SPATA6: variants seen among roughly 807,000 people sequenced by gnomAD.
SPATA6 encodes spermatogenesis associated 6, also known as spermatogenesis-associated protein 6.
In SPATA6, 56 loss-of-function variants were observed where a neutral mutation model predicts 65.3. That is an observed-to-expected ratio of 0.86 (90% CI 0.69 to 1.07). The LOEUF is 1.07. Ranked by LOEUF, SPATA6 falls within the 50% of genes least tolerant of loss-of-function variation. SPATA6 has a pLI of 0.00. For missense variants in SPATA6, 590 were observed against 594.8 expected (o/e 0.99, Z 0.08); for synonymous variants, 199 against 213.2 (o/e 0.93, Z 0.58).
At chr1:48,471,815 A>G in intron 1 of SPATA6, 143 bp downstream of exon 1, 1 of 931,310 alleles carries the variant, frequency 1.1e-6, no homozygotes, top group Non-Finnish European at 1.7e-6. Flanking sequence ...AAGATGGGGC[A>G]GGACCGAAGG....
the SPATA6 span, among the ~76,000 whole-genome samples, chr1:48,289,173 ATTTGCTGT>A: frequency 6.6e-6 from 1 of 152,200 alleles, no homozygotes; most frequent in African/African-American, 2.4e-5. Context: ...AGACAGCAAC[ATTTGCTGT>A]TCTGCAATAT....
chr1:48,456,197 C>G (rs751813307), intron 1 of SPATA6, among the ~76,000 whole-genome samples: 1 of 152,106 alleles, frequency 6.6e-6, no homozygotes. Flanking sequence ...CACAGAGAAC[C>G]CTGACAATGG....
chr1:48,285,586 T>A, the SPATA6 span, among the ~76,000 whole-genome samples: 1 of 151,694 alleles, frequency 6.6e-6, no homozygotes, highest in African/African-American at 2.4e-5. Context: ...CCCAAAGGAA[T>A]CTTGTGGTAT....
downstream of SPATA6, among the ~76,000 whole-genome samples, chr1:48,295,212 T>C (rs996835506): frequency 3.9e-5 from 6 of 152,106 alleles, no homozygotes; most frequent in African/African-American, 1.2e-4. Flanking sequence ...ATAGTTTCCA[T>C]AGGACCCAGC....
chr1:48,319,880 C>G (rs1460234569), intron 11 of SPATA6, among the ~76,000 whole-genome samples: 1 of 152,158 alleles, frequency 6.6e-6, no homozygotes, highest in Non-Finnish European at 1.5e-5. Context: ...TTCACATGCC[C>G]CAAAGACAGA....
At chr1:48,454,007 CTT>C (rs1220446870) in intron 1 of SPATA6, among the ~76,000 whole-genome samples, 31 of 137,400 alleles carry the variant, frequency 2.3e-4, no homozygotes, top group South Asian at 4.7e-4. Context: ...ATCATATATT[CTT>C]TTTTTTTTTT....
At chr1:48,293,240 T>A (rs189166021), downstream of SPATA6, among the ~76,000 whole-genome samples, 55 of 152,348 alleles carry the variant, frequency 3.6e-4, no homozygotes, top group African/African-American at 1.3e-3. Flanking sequence ...GGCTGGACAC[T>A]CACCCTGCTC....
chr1:48,416,330 G>A lies in SPATA6; in HGVS notation c.239-3179C>T, dbSNP rs146713996. ...AAACCATTCAAGCAAGAAGAGAGTAGAGTGAAATATCCATATATATATAGA... is the reference window on the plus strand; with the variant it reads ...AAACCATTCAAGCAAGAAGAGAGTAAAGTGAAATATCCATATATATATAGA... On this transcript the variant is annotated intron_variant, in intron 3 of 12. Coordinates refer to ENST00000371847, the MANE Select transcript of SPATA6 (RefSeq NM_019073.4). Among the ~76,000 whole-genome samples the A allele has an allele frequency of 4.0e-5, 6 of 151,862 alleles. No homozygotes were observed. The East Asian group carries it at 9.6e-4, about 24-fold the overall frequency.
At chr1:48,355,812 G>T (rs1646643751) in intron 10 of SPATA6, 43 bp from the exon 11 acceptor site, 3 of 1,474,168 alleles carry the variant, frequency 2.0e-6, no homozygotes, top group African/African-American at 1.4e-5. Context: ...CTAAAATCAG[G>T]TAATGATTCT....
chr1:48,402,586 C>A (rs1651273201), intron 6 of SPATA6: 1 of 152,170 alleles, frequency 6.6e-6, no homozygotes, highest in South Asian at 2.1e-4. Context: ...AAATATCTTT[C>A]TAAATAAAAT....
At chr1:48,471,899 G>A (rs373273838) in intron 1 of SPATA6, 59 bp downstream of exon 1, 10 of 1,590,718 alleles carry the variant, frequency 6.3e-6, no homozygotes, top group African/African-American at 1.3e-5. Flanking sequence ...GGCTCTCGGA[G>A]GTGACTGAGG....
Position 48,395,293 on chromosome 1 carries a change from C to G in SPATA6, c.842G>C (p.Arg281Thr). ...LLGSSGRDCE[R>T]DGWSRVHNDH... ...ATTGTGCACCCTTGACCATCCATCT[C>G]TTTCACAGTCTCTTCCAGAAGATCC... Residue 281 changes from arginine to threonine, a missense_variant, in exon 8 of 13, where the codon AGA becomes ACA. Coordinates refer to ENST00000371847, the MANE Select transcript of SPATA6 (RefSeq NM_019073.4). The G allele has an allele frequency of 6.4e-7, 1 of 1,568,030 alleles. No homozygotes were observed. The highest frequency in any genetic ancestry group is 8.7e-7 in the Non-Finnish European group (1 of 1,154,332).
chr1:48,410,428 C>T (rs1278982882), intron 5 of SPATA6, among the ~76,000 whole-genome samples: 1 of 152,196 alleles, frequency 6.6e-6, no homozygotes, highest in African/African-American at 2.4e-5. Flanking sequence ...GCTTTCTGAG[C>T]CCTCCAAACT....
intron 8 of SPATA6, among the ~76,000 whole-genome samples, chr1:48,388,646 CA>C (rs1164864918): frequency 2.0e-5 from 3 of 147,530 alleles, no homozygotes; most frequent in African/African-American, 2.5e-5. Context: ...ATATATATCA[CA>C]AAAAAAAGAA....
At chr1:48,424,954 GC>G (rs1557694277) in intron 3 of SPATA6, among the ~76,000 whole-genome samples, 2 of 152,098 alleles carry the variant, frequency 1.3e-5, no homozygotes, top group Non-Finnish European at 2.9e-5. Context: ...TCTTCACTTT[GC>G]TGTTTGTATT....
At chr1:48,353,119 T>C (rs1349938142) in intron 11 of SPATA6, among the ~76,000 whole-genome samples, 1 of 151,844 alleles carries the variant, frequency 6.6e-6, no homozygotes, top group East Asian at 1.9e-4. Flanking sequence ...TGAATAATAA[T>C]ATGTGATTAA....
the SPATA6 span, among the ~76,000 whole-genome samples, chr1:48,281,481 C>T: frequency 6.6e-6 from 1 of 152,182 alleles, no homozygotes; most frequent in Non-Finnish European, 1.5e-5. Flanking sequence ...GCAATTTCAG[C>T]AAAGTCTCAG....
At chr1:48,348,233 C>T (rs1646424192) in intron 11 of SPATA6, among the ~76,000 whole-genome samples, 1 of 151,932 alleles carries the variant, frequency 6.6e-6, no homozygotes, top group Non-Finnish European at 1.5e-5. Flanking sequence ...AGTACTCACC[C>T]AAGGGGACAG....
chr1:48,299,199 C>T lies in SPATA6; in HGVS notation c.1287-306G>A, dbSNP rs576083612. Among the ~76,000 whole-genome samples, 32 of 152,134 alleles carry T rather than the reference C, an allele frequency of 2.1e-4. 1 individual carries two copies. The highest frequency in any genetic ancestry group is 7.9e-4 in the Admixed American group (12 of 15,270). Reference sequence around the variant, plus strand: ...GAACATAATAAAAGCAGTTCTTATACTGGCCTGGTATGGCCAGTATAAGAA... The same window carrying T: ...GAACATAATAAAAGCAGTTCTTATATTGGCCTGGTATGGCCAGTATAAGAA... On this transcript the variant is annotated intron_variant, in intron 12 of 12. Transcript: ENST00000371847.
Sources: allele counts gnomAD v4.1 joint callset (sites outside exome capture counted in the v4.1 genomes callset), GRCh38; gene constraint gnomAD v4.1.1; transcripts MANE v1.5; gene names NCBI Gene and HGNC (gene_info 2026-07-23, HGNC 2026-07-21).